Variants in GRIA1 observed in about 807,000 individuals in gnomAD.
The protein encoded by GRIA1 is glutamate receptor 1.
Under a neutral mutation model 99.2 loss-of-function variants are expected in GRIA1, and 31 were observed. That is an observed-to-expected ratio of 0.31 (90% confidence interval 0.23 to 0.42). The LOEUF (loss-of-function observed/expected upper bound fraction) is 0.42. Among genes scored for constraint, GRIA1 ranks in the 10% least tolerant of loss-of-function variants. The pLI is 1.00. For missense variants in GRIA1, 782 were observed against 1,157.5 expected, an observed-to-expected ratio of 0.68 and a Z score of 4.71; for synonymous variants, 438 against 432.4, an observed-to-expected ratio of 1.01 and a Z score of -0.16.
At chr5:153,526,366 A>ATG (rs1757597045) in intron 2 of GRIA1, among the ~76,000 whole-genome samples, 1 of 152,160 alleles carries the variant, frequency 6.6e-6, no homozygotes, top group African/African-American at 2.4e-5. Context: ...GTAAAGCAAA[A>ATG]TGTATATTTT....
chr5:153,635,006 A>G (rs1753245219), intron 2 of GRIA1, among the ~76,000 whole-genome samples: 1 of 152,170 alleles, frequency 6.6e-6, no homozygotes, highest in Non-Finnish European at 1.5e-5. Context: ...CTAGAAGATG[A>G]ATTTTGCTGA....
chr5:153,631,298 T>C (rs187179506), intron 2 of GRIA1, among the ~76,000 whole-genome samples: 15 of 152,338 alleles, frequency 9.8e-5, no homozygotes, highest in Admixed American at 8.5e-4. Flanking sequence ...ATGCCCCTGG[T>C]GAGTCAAAAG....
chr5:153,647,502 T>A (rs1368536500), intron 3 of GRIA1, among the ~76,000 whole-genome samples: 1 of 152,166 alleles, frequency 6.6e-6, no homozygotes, highest in Non-Finnish European at 1.5e-5. Context: ...GCTGTTTGAC[T>A]TTGGACAAAC....
intron 5 of GRIA1, among the ~76,000 whole-genome samples, chr5:153,662,425 A>G (rs77221149): frequency 0.045 from 6,787 of 152,304 alleles, 168 homozygotes; most frequent in Middle Eastern, 0.088. Flanking sequence ...GCCTGTGAAA[A>G]TATCTAAGCC....
chr5:153,496,513 T>C (rs1355455915), intron 2 of GRIA1, among the ~76,000 whole-genome samples: 1 of 152,228 alleles, frequency 6.6e-6, no homozygotes, highest in Non-Finnish European at 1.5e-5. Context: ...GTGCTTAGAC[T>C]TTGTGTTTCT....
At chr5:153,810,693 T>C (rs369493705) in intron 15 of GRIA1, among the ~76,000 whole-genome samples, 58 of 152,226 alleles carry the variant, frequency 3.8e-4, no homozygotes, top group African/African-American at 1.4e-3. Context: ...CACTTAGTTG[T>C]GTTGCTACAT....
chr5:153,645,915 T>C (rs1754116988), intron 2 of GRIA1, among the ~76,000 whole-genome samples: 1 of 152,228 alleles, frequency 6.6e-6, no homozygotes, highest in Non-Finnish European at 1.5e-5. Context: ...ATGACAAGGA[T>C]GAATGACTTT....
chr5:153,778,659 AC>A (rs1367314107), intron 13 of GRIA1, among the ~76,000 whole-genome samples: 1 of 146,618 alleles, frequency 6.8e-6, no homozygotes, highest in Admixed American at 6.8e-5. Context: ...CACCACACAC[AC>A]ACACACACAC....
At chr5:153,804,170 A>C (rs1409046857) in intron 15 of GRIA1, among the ~76,000 whole-genome samples, 1 of 152,322 alleles carries the variant, frequency 6.6e-6, no homozygotes, top group Non-Finnish European at 1.5e-5. Context: ...AAGGAATGGA[A>C]GTTCAATGAC....
intron 11 of GRIA1, among the ~76,000 whole-genome samples, chr5:153,717,562 A>C (rs1187240324): frequency 2.0e-5 from 3 of 152,108 alleles, no homozygotes; most frequent in African/African-American, 7.2e-5. Context: ...ACCAAGTTTA[A>C]TGATAAACCC....
intron 11 of GRIA1, among the ~76,000 whole-genome samples, chr5:153,736,084 T>G (rs1761360528): frequency 6.6e-6 from 1 of 152,098 alleles, no homozygotes; most frequent in Non-Finnish European, 1.5e-5. Flanking sequence ...GGGACTCTAG[T>G]GCAGAGGAGG....
intron 2 of GRIA1, among the ~76,000 whole-genome samples, chr5:153,598,991 C>T (rs6877129): frequency 6.6e-6 from 1 of 152,148 alleles, no homozygotes; most frequent in Non-Finnish European, 1.5e-5. Flanking sequence ...ATGCCATTCT[C>T]CTGCCTCAGC....
rs186704754 is a variant in GRIA1, at chr5:153,752,153, T to A, written c.1824-12281T>A. ...TAATGGAAGAATGATAGTGGTTTAATGGGAATACAGAAGGGGTGGCTCAGA... is the reference window on the plus strand; with the variant it reads ...TAATGGAAGAATGATAGTGGTTTAAAGGGAATACAGAAGGGGTGGCTCAGA... On this transcript the variant is annotated intron_variant, in intron 11 of 15. Transcript: ENST00000285900. Among the ~76,000 whole-genome samples the A allele has an allele frequency of 4.6e-5, 7 of 152,324 alleles. No individual in the cohort carries two copies. In the East Asian group the frequency reaches 1.2e-3, roughly 25 times the overall value.
intron 2 of GRIA1, among the ~76,000 whole-genome samples, chr5:153,524,118 G>C (rs1455153905): frequency 6.6e-6 from 1 of 152,178 alleles, no homozygotes; most frequent in Non-Finnish European, 1.5e-5. Flanking sequence ...ACAAGGTCAA[G>C]ACATAGAGAT....
rs144882662 is a variant in GRIA1 at position 153,811,194 on chromosome 5, C to G, written c.2690C>G (p.Ser897Ter). Residue 897 changes from serine to a stop codon, truncating the protein, a stop_gained, in exon 16 of 16, where the codon TCA becomes TGA. Coordinates refer to ENST00000285900, the MANE Select transcript of GRIA1 (RefSeq NM_000827.4). LOFTEE classifies it high-confidence loss of function. ...MQSIPCMSHSSGMPLGATGL is the reference protein window; with the variant it reads ...MQSIPCMSHS ...TCGATTCCTTGCATGAGCCACAGTT[C>G]AGGGATGCCCTTGGGAGCCACGGGA... The G allele has an allele frequency of 3.2e-5, 52 of 1,613,984 alleles. No individual in the cohort carries two copies. The highest frequency in any genetic ancestry group is 4.3e-5 in the Non-Finnish European group (51 of 1,179,996).
chr5:153,626,642 C>T (rs567821348), intron 2 of GRIA1, among the ~76,000 whole-genome samples: 11 of 152,196 alleles, frequency 7.2e-5, no homozygotes, highest in South Asian at 4.2e-4. Context: ...GTAGGACTGA[C>T]GCTAAGGGAC....
chr5:153,507,436 C>T (rs1043717751), intron 2 of GRIA1, among the ~76,000 whole-genome samples: 2 of 152,126 alleles, frequency 1.3e-5, no homozygotes, highest in African/African-American at 4.8e-5. Flanking sequence ...GGATTCCAGC[C>T]TATACATTCT....
chr5:153,538,001 C>T (rs973954022), intron 2 of GRIA1, among the ~76,000 whole-genome samples: 1 of 152,078 alleles, frequency 6.6e-6, no homozygotes, highest in Non-Finnish European at 1.5e-5. Context: ...GGAGGTGATA[C>T]AGTGAAAGGC....
intron 2 of GRIA1, among the ~76,000 whole-genome samples, chr5:153,537,157 T>C (rs1228284030): frequency 6.6e-6 from 1 of 152,202 alleles, no homozygotes; most frequent in Non-Finnish European, 1.5e-5. Context: ...CTCAACGCCA[T>C]ACAGTGTGTG....
Sources: allele counts gnomAD v4.1 joint callset (sites outside exome capture counted in the v4.1 genomes callset), GRCh38; gene constraint gnomAD v4.1.1; transcripts MANE v1.5; gene names NCBI Gene and HGNC (gene_info 2026-07-23, HGNC 2026-07-21).